The following LPP variants were observed in gnomAD, a reference collection of about 807,000 sequenced individuals.
LPP encodes LIM domain containing preferred translocation partner in lipoma.
In LPP, 38 loss-of-function variants were observed where a neutral mutation model predicts 60.4. The ratio of observed to expected loss-of-function variants is 0.63; its 90% confidence interval spans 0.49 to 0.83. The LOEUF is 0.83. Ranked by LOEUF, LPP falls within the 40% of genes least tolerant of loss-of-function variation. The pLI is 0.00. For synonymous variants in LPP, 328 were observed against 290.8 expected (o/e 1.13, Z -1.30); for missense variants, 902 against 783.6 (o/e 1.15, Z -1.80).
chr3:188,631,702 G>A (rs572409054), intron 7 of LPP, among the ~76,000 whole-genome samples: 9 of 152,218 alleles, frequency 5.9e-5, no homozygotes, highest in South Asian at 4.1e-4. Context: ...TTAATGACAC[G>A]TGACTTCTGG....
At chr3:188,228,159 G>A (rs1718508547) in intron 2 of LPP, among the ~76,000 whole-genome samples, 1 of 152,228 alleles carries the variant, frequency 6.6e-6, no homozygotes, top group African/African-American at 2.4e-5. Flanking sequence ...AGAGGACCAG[G>A]AATGATGGCC....
intron 7 of LPP, among the ~76,000 whole-genome samples, chr3:188,689,507 A>G (rs1861623604): frequency 6.6e-6 from 1 of 152,120 alleles, no homozygotes; most frequent in Non-Finnish European, 1.5e-5. Flanking sequence ...TCTACTCTCT[A>G]CTTCCATGAG....
At chr3:188,228,382 C>T (rs927040720) in intron 2 of LPP, among the ~76,000 whole-genome samples, 28 of 152,108 alleles carry the variant, frequency 1.8e-4, no homozygotes, top group African/African-American at 6.8e-4. Context: ...AAGTGAGGGT[C>T]CCTTTCCCAA....
At chr3:188,732,908 C>A (rs570588482) in intron 8 of LPP, among the ~76,000 whole-genome samples, 1 of 151,790 alleles carries the variant, frequency 6.6e-6, no homozygotes, top group African/African-American at 2.4e-5. Flanking sequence ...TGAGAAAGTT[C>A]TTTTTGTTTG....
At chr3:188,306,159 C>T (rs1454656064) in intron 2 of LPP, among the ~76,000 whole-genome samples, 1 of 152,160 alleles carries the variant, frequency 6.6e-6, no homozygotes, top group Non-Finnish European at 1.5e-5. Context: ...CGGTTTACTG[C>T]AACCTGTGCC....
chr3:188,403,318 C>G (rs1397257926), intron 3 of LPP, among the ~76,000 whole-genome samples: 4 of 152,156 alleles, frequency 2.6e-5, no homozygotes, highest in South Asian at 4.1e-4. Flanking sequence ...CAGTCAGTAA[C>G]TTGGGATTAC....
rs143846470 is a variant in LPP at position 188,872,857 on chromosome 3, A to C, written c.1710+94A>C. The C allele has an allele frequency of 5.4e-3, 8,206 of 1,531,854 alleles. 53 individuals carry two copies. Among genetic ancestry groups the C allele is most frequent in the South Asian group, 0.019 (1,614 of 84,348 alleles). 94.9% of individuals were successfully genotyped at this position (1,531,854 alleles called of 1,614,324 possible). On this transcript the variant is annotated intron_variant, in intron 11 of 11. Transcript: ENST00000617246. Reference sequence around the variant, plus strand: ...ATAGATGTAGCAATTACTAAATCTCAGAACGGCCTTAGTGCCTGTACTCAT... The same window carrying C: ...ATAGATGTAGCAATTACTAAATCTCCGAACGGCCTTAGTGCCTGTACTCAT...
intron 6 of LPP, among the ~76,000 whole-genome samples, chr3:188,554,337 C>CT (rs1828953263): frequency 6.6e-6 from 1 of 152,118 alleles, no homozygotes; most frequent in South Asian, 2.1e-4. Context: ...AATGTGACTT[C>CT]TTTTCTAACT....
At chr3:188,507,889 C>A (rs1303012223) in intron 5 of LPP, among the ~76,000 whole-genome samples, 1 of 152,184 alleles carries the variant, frequency 6.6e-6, no homozygotes, top group Non-Finnish European at 1.5e-5. Context: ...TATAGCTACT[C>A]CCCCAATTCA....
intron 6 of LPP, among the ~76,000 whole-genome samples, chr3:188,567,369 A>G (rs915908749): frequency 1.3e-5 from 2 of 151,950 alleles, no homozygotes; most frequent in African/African-American, 4.8e-5. Flanking sequence ...CTTGTATCCT[A>G]TAAAATATCT....
At chr3:188,247,192 C>T in intron 2 of LPP, 1 of 984,488 alleles carries the variant, frequency 1.0e-6, no homozygotes, top group Non-Finnish European at 1.2e-6. Flanking sequence ...TTCTTCTTAC[C>T]CTGAGATCAA....
chr3:188,630,027 T>C (rs1847570598), intron 7 of LPP, among the ~76,000 whole-genome samples: 1 of 152,082 alleles, frequency 6.6e-6, no homozygotes, highest in South Asian at 2.1e-4. Context: ...GAAGAAAACC[T>C]AGGAAATTAT....
At chr3:188,429,934 G>A (rs1790475338) in intron 4 of LPP, among the ~76,000 whole-genome samples, 1 of 152,180 alleles carries the variant, frequency 6.6e-6, no homozygotes, top group African/African-American at 2.4e-5. Flanking sequence ...TTATAGCACT[G>A]TTATATGTGG....
At chr3:188,240,602 T>G (rs1577481491) in intron 2 of LPP, among the ~76,000 whole-genome samples, 2 of 152,278 alleles carry the variant, frequency 1.3e-5, no homozygotes, top group African/African-American at 4.8e-5. Context: ...GTTAGGATAT[T>G]AGACCAGCAA....
At position 188,879,458 on chromosome 3, in the gene LPP, A is replaced by T. The variant is rs769712972; in HGVS notation, c.*4979A>T. 5.8e-5 allele frequency: 12 copies of T among 207,132 alleles called. No individual in the cohort carries two copies. Among genetic ancestry groups the T allele is most frequent in the Non-Finnish European group, 1.1e-4 (11 of 101,624 alleles). The allele number at this position is 207,132 out of a possible 1,614,324, so 12.8% of individuals were successfully genotyped here. A position where few individuals can be genotyped will look rare whatever the true frequency, so the allele number is the denominator to read the frequency against. On this transcript the variant is annotated 3_prime_UTR_variant, in exon 12 of 12. Coordinates refer to ENST00000617246, the MANE Select transcript of LPP (RefSeq NM_001375462.1). The stretch of plus-strand genomic sequence containing the variant: ...ATAAAATCTTCTTTTATAGGGGCAT[A>T]TTTTTTAGGTTGTATTTATTCGTAA...
chr3:188,202,302 C>T (rs1163982661), intron 1 of LPP, among the ~76,000 whole-genome samples: 1 of 152,122 alleles, frequency 6.6e-6, no homozygotes, highest in Non-Finnish European at 1.5e-5. Context: ...TCTGGGAGGG[C>T]CCTGGCAGCC....
At chr3:188,683,181 A>G (rs555206963) in intron 7 of LPP, among the ~76,000 whole-genome samples, 12 of 152,120 alleles carry the variant, frequency 7.9e-5, no homozygotes, top group African/African-American at 2.9e-4. Flanking sequence ...TCCAAGGCCT[A>G]TTTTTAAATT....
chr3:188,753,142 C>A (rs1240079147), intron 8 of LPP, among the ~76,000 whole-genome samples: 1 of 152,212 alleles, frequency 6.6e-6, no homozygotes, highest in Non-Finnish European at 1.5e-5. Context: ...ACACTACATT[C>A]TGCCTTTGAG....
intron 1 of LPP, among the ~76,000 whole-genome samples, chr3:188,157,326 CT>C (rs1716795622): frequency 6.6e-6 from 1 of 152,042 alleles, no homozygotes; most frequent in South Asian, 2.1e-4. Flanking sequence ...CAACCCAGAA[CT>C]TTTGCTTCTT....
Sources: allele counts gnomAD v4.1 joint callset (sites outside exome capture counted in the v4.1 genomes callset), GRCh38; gene constraint gnomAD v4.1.1; transcripts MANE v1.5; gene names NCBI Gene and HGNC (gene_info 2026-07-23, HGNC 2026-07-21).